INPP5B: variants seen among roughly 807,000 people sequenced by gnomAD.
INPP5B encodes the protein type II inositol 1,4,5-trisphosphate 5-phosphatase.
INPP5B carries 90 observed loss-of-function variants against 118.5 expected under a neutral mutation model. That is an observed-to-expected ratio of 0.76 (90% CI 0.64 to 0.90). INPP5B has a LOEUF of 0.90. Ranked by LOEUF, INPP5B falls within the 40% of genes least tolerant of loss-of-function variation. INPP5B has a pLI of 0.00. For synonymous variants in INPP5B, 385 were observed against 418.9 expected, an observed-to-expected ratio of 0.92 and a Z score of 0.99; for missense variants, 984 against 1,125.6, an observed-to-expected ratio of 0.87 and a Z score of 1.80.
At chr1:37,895,066 C>T (rs759486776) in intron 7 of INPP5B, among the ~76,000 whole-genome samples, 3 of 152,146 alleles carry the variant, frequency 2.0e-5, no homozygotes, top group African/African-American at 4.8e-5. Flanking sequence ...TTTACTCTCA[C>T]TGAGCTATAA....
At chr1:37,874,285 A>G (rs1441744353) in intron 17 of INPP5B, 130 bp from the exon 18 acceptor site, 2 of 622,636 alleles carry the variant, frequency 3.2e-6, no homozygotes, top group Non-Finnish European at 4.9e-6. Context: ...TGCTTTAAGT[A>G]TCTACCTGGG....
At chr1:37,919,438 G>C (rs1313899889) in intron 7 of INPP5B, among the ~76,000 whole-genome samples, 1 of 152,162 alleles carries the variant, frequency 6.6e-6, no homozygotes, top group Non-Finnish European at 1.5e-5. Context: ...TAAGTGAGTA[G>C]GTTCAATGTT....
chr1:37,903,757 G>A (rs1040383980), intron 7 of INPP5B, among the ~76,000 whole-genome samples: 2 of 152,052 alleles, frequency 1.3e-5, no homozygotes, highest in Admixed American at 6.6e-5. Context: ...GGGCATGGTA[G>A]TGCATGCCTG....
chr1:37,862,523 T>C (rs1303619365), intron 23 of INPP5B, 93 bp from the exon 24 acceptor site: 2 of 784,148 alleles, frequency 2.6e-6, no homozygotes, highest in Non-Finnish European at 4.4e-6. Context: ...CTGAGAAATG[T>C]GTCATTAGGT....
intron 21 of INPP5B, 139 bp from the exon 22 acceptor site, chr1:37,866,027 A>AC: frequency 1.5e-6 from 2 of 1,373,408 alleles, no homozygotes; most frequent in Non-Finnish European, 2.0e-6. Context: ...TAACTTCTCG[A>AC]AGGGACCACA....
At chr1:37,932,534 A>G (rs1570372051) in intron 6 of INPP5B, among the ~76,000 whole-genome samples, 2 of 151,786 alleles carry the variant, frequency 1.3e-5, no homozygotes, top group Non-Finnish European at 2.9e-5. Flanking sequence ...ATGCCTGGCT[A>G]ATTTTTTGTA....
Position 37,862,358 on chromosome 1 carries a change from T to G in INPP5B, c.2699A>C (p.Lys900Thr), listed in dbSNP as rs561088456. The change falls in exon 24 of 24, where the codon AAG becomes ACG. Residue 900 changes from lysine (K) to threonine (T), a missense_variant. Lys to Thr is a moderately conservative substitution (Grantham distance 78, BLOSUM62 -1). This residue lies in a region of INPP5B where 634 missense variants were observed against 791.0 expected (regional missense o/e 0.80). Coordinates refer to ENST00000373024, the MANE Select transcript of INPP5B (RefSeq NM_005540.3). ...GAACTGGTGAATAAATTCTTGAGCC[T>G]TCTTCTTCTCTGTCATATCAAGCTT... ...HQKLDMTEKK[K>T]AQEFIHQFLC... 51 of 1,613,968 alleles carry G rather than the reference T, an allele frequency of 3.2e-5. No homozygotes were observed. Among genetic ancestry groups the G allele is most frequent in the Middle Eastern group, 1.7e-4 (1 of 6,058 alleles).
At chr1:37,899,289 A>G (rs1265774838) in intron 7 of INPP5B, among the ~76,000 whole-genome samples, 1 of 151,988 alleles carries the variant, frequency 6.6e-6, no homozygotes, top group Non-Finnish European at 1.5e-5. Flanking sequence ...GGCCAGACGC[A>G]GTGGCTCACA....
intron 13 of INPP5B, chr1:37,883,456 T>C: frequency 1.0e-6 from 1 of 985,300 alleles, no homozygotes; most frequent in African/African-American, 1.7e-5. Flanking sequence ...CAGAGTGGAG[T>C]GTAGAAGGTG....
intron 8 of INPP5B, 76 bp downstream of exon 8, chr1:37,891,282 T>C: frequency 9.6e-7 from 1 of 1,044,878 alleles, no homozygotes; most frequent in East Asian, 2.5e-5. Context: ...CAACTTACAT[T>C]ATACCCAAAA....
At chr1:37,890,693 A>T (rs188861142) in intron 8 of INPP5B, among the ~76,000 whole-genome samples, 1 of 152,160 alleles carries the variant, frequency 6.6e-6, no homozygotes, top group Non-Finnish European at 1.5e-5. Context: ...TAAAAGAATG[A>T]AAGAGTGAAA....
Position 37,907,784 on chromosome 1 carries a change from T to C in INPP5B, c.533-16330A>G, listed in dbSNP as rs756243612. ...ACGGTAATGTCAGGAAGTTACCCTA[T>C]ATGGTCTAAAAAGGGGAGGCATGAA... On this transcript the variant is annotated intron_variant, in intron 7 of 23. Coordinates refer to ENST00000373024, the MANE Select transcript of INPP5B (RefSeq NM_005540.3). This position sits in a 1 kb window ranked among gnomAD's most constrained non-coding sequence, Gnocchi z 4.3. 7.9e-5 allele frequency among the ~76,000 whole-genome samples: 12 copies of C among 152,208 alleles called. No individual in the cohort carries two copies. The East Asian group carries it at 1.5e-3, about 20-fold the overall frequency.
At chr1:37,940,646 C>A in intron 6 of INPP5B, 42 bp downstream of exon 6, 1 of 1,230,362 alleles carries the variant, frequency 8.1e-7, no homozygotes, top group East Asian at 2.3e-5. Context: ...GGTGAATACC[C>A]AGCAACCCAC....
chr1:37,896,884 C>T (rs1570168223), intron 7 of INPP5B, among the ~76,000 whole-genome samples: 1 of 128,298 alleles, frequency 7.8e-6, no homozygotes, highest in Non-Finnish European at 1.7e-5. Context: ...CCCGGCCAGC[C>T]GCCCCATCCG....
chr1:37,874,257 A>C (rs1489623568), intron 17 of INPP5B, 102 bp from the exon 18 acceptor site: 3 of 817,442 alleles, frequency 3.7e-6, no homozygotes, highest in Non-Finnish European at 5.4e-6. Context: ...AAAATGAACC[A>C]TCTCTTTTAA....
At position 37,880,267 on chromosome 1, in the gene INPP5B, T is replaced by C. The variant is rs1249761653; in HGVS notation, c.1432-73A>G. The stretch of plus-strand genomic sequence containing the variant: ...AACTTTGAATTAGTGGAGAAAAGCA[T>C]ATCAATCTGGAATTCAAACTCTAAC... On this transcript the variant is annotated intron_variant, in intron 14 of 23. Transcript: ENST00000373024. 4.5e-6 allele frequency: 5 copies of C among 1,114,642 alleles called. No homozygotes were observed. The African/African-American group carries it at 6.1e-5, about 14-fold the overall frequency. The allele number at this position is 1,114,642 out of a possible 1,614,324, so 69.0% of individuals were successfully genotyped here.
intron 7 of INPP5B, among the ~76,000 whole-genome samples, chr1:37,917,441 A>G (rs1371869376): frequency 1.3e-5 from 2 of 149,112 alleles, no homozygotes; most frequent in African/African-American, 2.5e-5. Context: ...CTCCTGCCTC[A>G]GCCTCCCGAG....
chr1:37,865,006 G>T (rs1172333363), intron 22 of INPP5B, among the ~76,000 whole-genome samples: 7 of 152,110 alleles, frequency 4.6e-5, no homozygotes, highest in Non-Finnish European at 8.8e-5. Flanking sequence ...GGCCAACATG[G>T]TGAAACCCCA....
chr1:37,926,693 T>A (rs1177593854), intron 7 of INPP5B, among the ~76,000 whole-genome samples: 1 of 152,172 alleles, frequency 6.6e-6, no homozygotes, highest in Admixed American at 6.5e-5. Context: ...TGAGTAGCCA[T>A]TTCCTTTTTA....
Sources: allele counts gnomAD v4.1 joint callset (sites outside exome capture counted in the v4.1 genomes callset), GRCh38; gene constraint gnomAD v4.1.1; regional missense constraint gnomAD v4.1.1; non-coding constraint Gnocchi (gnomAD v3.1); transcripts MANE v1.5; gene names NCBI Gene and HGNC (gene_info 2026-07-23, HGNC 2026-07-21).